The following DMD variants were observed in gnomAD, a reference collection of about 807,000 sequenced individuals.
DMD encodes dystrophin, also known as mutant dystrophin.
A neutral mutation model predicts 330.1 loss-of-function variants in DMD; 63 were observed. The observed-to-expected ratio is 0.19, with a 90% CI of 0.16 to 0.24. DMD has a LOEUF of 0.24. Among genes scored for constraint, DMD ranks in the 10% least tolerant of loss-of-function variants. DMD has a pLI of 1.00. For missense variants in DMD, 3,344 were observed against 2,684.1 expected (o/e 1.25, Z -5.43); for synonymous variants, 1,223 against 959.8 (o/e 1.27, Z -5.07).
intron 13 of DMD, among the ~76,000 whole-genome samples, chrX:32,578,846 G>C (rs750330798): frequency 2.5e-4 from 28 of 111,459 alleles, no homozygotes; most frequent in African/African-American, 8.8e-4. Context: ...ATGAAAGAGG[G>C]AGGCAGAAAA....
At chrX:32,670,636 T>C (rs1457433555) in intron 9 of DMD, among the ~76,000 whole-genome samples, 1 of 112,025 alleles carries the variant, frequency 8.9e-6, no homozygotes, top group Non-Finnish European at 1.9e-5. Context: ...ATAACATGTA[T>C]ATGTGACGAT....
rs930949352 is a variant in DMD at position 33,101,468 on chromosome X, A to G, written c.32-81268T>C. ...CGTATAGTGAAACCCCGTCTCTACT[A>G]AAAAATACAGAAATTAGCTGGGCGT... On this transcript the variant is annotated intron_variant, in intron 1 of 78. Transcript: ENST00000357033. Among the ~76,000 whole-genome samples, 4 of 111,621 alleles carry G rather than the reference A, an allele frequency of 3.6e-5. No homozygotes were observed. In the East Asian group the frequency reaches 1.1e-3, roughly 32 times the overall value.
intron 1 of DMD, among the ~76,000 whole-genome samples, chrX:33,119,700 C>A (rs2095411557): frequency 8.9e-6 from 1 of 111,957 alleles, no homozygotes; most frequent in South Asian, 3.7e-4. Flanking sequence ...GAGATTGACA[C>A]AACCTGGTTT....
chrX:31,521,336 T>C (rs2147347222), intron 55 of DMD, among the ~76,000 whole-genome samples: 2 of 110,738 alleles, frequency 1.8e-5, no homozygotes, highest in African/African-American at 6.6e-5. Flanking sequence ...CCAGTTTTTT[T>C]ATTTTTAGTA....
chrX:32,413,643 C>T (rs1468211022), intron 29 of DMD, among the ~76,000 whole-genome samples: 10 of 109,834 alleles, frequency 9.1e-5, no homozygotes, highest in Non-Finnish European at 1.7e-4. Context: ...CTCTCAATAA[C>T]GAATTGGGGC....
chrX:32,617,368 C>T (rs1191582489), intron 11 of DMD, among the ~76,000 whole-genome samples: 2 of 111,429 alleles, frequency 1.8e-5, no homozygotes, highest in Admixed American at 9.6e-5. Context: ...AGCATAAAAA[C>T]TGATCAGTGG....
At chrX:32,463,342 G>A in intron 25 of DMD, 97 bp downstream of exon 25, 2 of 844,315 alleles carry the variant, frequency 2.4e-6, no homozygotes, top group South Asian at 3.5e-5. Flanking sequence ...AAAAACATAG[G>A]AACAAAGCCT....
At chrX:32,206,337 G>C (rs764963428) in intron 44 of DMD, 7 of 530,726 alleles carry the variant, frequency 1.3e-5, no homozygotes, top group Admixed American at 4.7e-5. Flanking sequence ...TGGTAGCAAG[G>C]TTCCACAGAA....
chrX:32,291,684 T>C (rs912559021), intron 42 of DMD, among the ~76,000 whole-genome samples: 6 of 111,849 alleles, frequency 5.4e-5, no homozygotes, highest in Admixed American at 3.8e-4. Context: ...AGAGGTTCCA[T>C]GGTTACATGC....
chrX:31,225,909 C>G (rs2046534898), intron 63 of DMD, among the ~76,000 whole-genome samples: 1 of 111,815 alleles, frequency 8.9e-6, no homozygotes, highest in African/African-American at 3.3e-5. Context: ...TGTTTTGTAC[C>G]CATTGGCTAA....
At chrX:32,874,478 T>C (rs1023057586) in intron 2 of DMD, among the ~76,000 whole-genome samples, 3 of 111,735 alleles carry the variant, frequency 2.7e-5, no homozygotes, top group Non-Finnish European at 5.6e-5. Context: ...ATCTTCTTTC[T>C]TCTGCCCTTC....
intron 13 of DMD, among the ~76,000 whole-genome samples, chrX:32,579,723 A>T (rs757085181): frequency 1.3e-4 from 15 of 113,060 alleles, no homozygotes; most frequent in Non-Finnish European, 2.2e-4. Context: ...TTGTTTAATC[A>T]TAAAACGTCA....
At chrX:32,477,298 AG>A (rs1322189378) in intron 21 of DMD, among the ~76,000 whole-genome samples, 1 of 106,879 alleles carries the variant, frequency 9.4e-6, no homozygotes, top group East Asian at 2.8e-4. Context: ...TATCTTGAAA[AG>A]TAAAAAAAAA....
intron 1 of DMD, among the ~76,000 whole-genome samples, chrX:33,256,982 C>A (rs1280626150): frequency 9.1e-6 from 1 of 110,457 alleles, no homozygotes; most frequent in Non-Finnish European, 1.9e-5. Flanking sequence ...ATTCTAGTCA[C>A]CATTTTACGA....
chrX:32,688,956 T>C (rs2063079394), intron 9 of DMD, among the ~76,000 whole-genome samples: 1 of 111,253 alleles, frequency 9.0e-6, no homozygotes, highest in African/African-American at 3.3e-5. Flanking sequence ...TCAAAGCTTT[T>C]TTTAAGCATC....
At position 32,569,822 on chromosome X, in the gene DMD, C is replaced by T. The variant is rs2052193282; in HGVS notation, c.1812+3708G>A. 2.7e-5 allele frequency among the ~76,000 whole-genome samples: 3 copies of T among 110,709 alleles called. No individual in the cohort carries two copies. In the Admixed American group the frequency reaches 2.9e-4, roughly 11 times the overall value. ...CTGCTTCCCCAGAGCTGTCCTTCCC[C>T]AGCAAACGCCAACAGTCCCCACAGC... On this transcript the variant is annotated intron_variant, in intron 15 of 78. Coordinates refer to ENST00000357033, the MANE Select transcript of DMD (RefSeq NM_004006.3).
At chrX:32,147,048 A>C (rs2096781350) in intron 44 of DMD, among the ~76,000 whole-genome samples, 1 of 110,625 alleles carries the variant, frequency 9.0e-6, no homozygotes, top group Non-Finnish European at 1.9e-5. Context: ...TTTTGCATAA[A>C]CTCTATGATG....
At chrX:33,268,174 G>A (rs1423719630) in intron 1 of DMD, among the ~76,000 whole-genome samples, 1 of 110,099 alleles carries the variant, frequency 9.1e-6, no homozygotes, top group African/African-American at 3.3e-5. Flanking sequence ...ATTTTTGGTA[G>A]AGACAGGGTT....
intron 50 of DMD, among the ~76,000 whole-genome samples, chrX:31,801,096 C>T (rs2092037992): frequency 9.0e-6 from 1 of 111,572 alleles, no homozygotes; most frequent in Admixed American, 9.5e-5. Context: ...CTGTATTAGT[C>T]CGTTCTCATG....
Sources: allele counts gnomAD v4.1 joint callset (sites outside exome capture counted in the v4.1 genomes callset), GRCh38; gene constraint gnomAD v4.1.1; transcripts MANE v1.5; gene names NCBI Gene and HGNC (gene_info 2026-07-23, HGNC 2026-07-21).